The following TGFB2 variants were observed in gnomAD, a reference collection of about 807,000 sequenced individuals.
The protein encoded by TGFB2 is transforming growth factor beta 2.
Under a neutral mutation model 42.7 loss-of-function variants are expected in TGFB2, and 13 were observed. That is an observed-to-expected ratio of 0.30 (90% CI 0.20 to 0.48). TGFB2 has a LOEUF of 0.48. Among genes scored for constraint, TGFB2 ranks in the 20% least tolerant of loss-of-function variants. The pLI is 0.99. For synonymous variants in TGFB2, 193 were observed against 193.6 expected (o/e 1.00, Z 0.03); for missense variants, 390 against 517.5 (o/e 0.75, Z 2.39).
chr1:218,388,157 C>A (rs1658198308), intron 1 of TGFB2, among the ~76,000 whole-genome samples: 1 of 152,176 alleles, frequency 6.6e-6, no homozygotes, highest in South Asian at 2.1e-4. Flanking sequence ...CCCCAGCTTC[C>A]TTCTGACAAT....
intron 1 of TGFB2, among the ~76,000 whole-genome samples, chr1:218,396,965 G>C (rs1240879669): frequency 1.3e-5 from 2 of 152,038 alleles, no homozygotes. Flanking sequence ...TATAAAGCCT[G>C]ATCCAAAGTT....
chr1:218,421,340 G>T (rs1295850070), intron 2 of TGFB2, among the ~76,000 whole-genome samples: 1 of 149,712 alleles, frequency 6.7e-6, no homozygotes. Context: ...CTCTGTGGTG[G>T]GTTTCTGGAT....
intron 1 of TGFB2, among the ~76,000 whole-genome samples, chr1:218,379,213 A>G (rs1326681122): frequency 6.7e-6 from 1 of 150,248 alleles, no homozygotes; most frequent in South Asian, 2.1e-4. Context: ...GCTCACTGCA[A>G]GCTCCGCCTC....
In TGFB2 at chr1:218,394,944, C is replaced by T. The variant is rs544122907; in HGVS notation, c.347-10225C>T. On this transcript the variant is annotated intron_variant, in intron 1 of 6. Transcript: ENST00000366930. ...TCCAACCACTCGGTGGGTTGCTTGT[C>T]TTGCCACACTCTGGGGAATGGCTAA... 3.3e-5 allele frequency among the ~76,000 whole-genome samples: 5 copies of T among 152,258 alleles called. No individual in the cohort carries two copies. In the South Asian group the frequency reaches 1.0e-3, roughly 32 times the overall value.
chr1:218,386,938 C>T, intron 1 of TGFB2, among the ~76,000 whole-genome samples: 1 of 152,180 alleles, frequency 6.6e-6, no homozygotes, highest in African/African-American at 2.4e-5. Flanking sequence ...AAAGTGAGTC[C>T]CTGCTCTTTT....
chr1:218,435,150 G>T (rs1659930571), intron 4 of TGFB2, among the ~76,000 whole-genome samples: 2 of 152,150 alleles, frequency 1.3e-5, no homozygotes, highest in African/African-American at 4.8e-5. Flanking sequence ...TACAGCATCT[G>T]CCCACAATGC....
rs191938924 is a variant in TGFB2 at position 218,409,202 on chromosome 1, C to T, written c.510+3870C>T. The stretch of plus-strand genomic sequence containing the variant: ...CTGCTGCTCACCTCCTGCTGTGCGG[C>T]CCGGCTCCTGATGGGCCATGGACCT... On this transcript the variant is annotated intron_variant, in intron 2 of 6. Transcript: ENST00000366930. 2.1e-3 allele frequency among the ~76,000 whole-genome samples: 325 copies of T among 152,328 alleles called. 1 individual carries two copies. The highest frequency in any genetic ancestry group is 7.4e-3 in the African/African-American group (306 of 41,580).
rs191627667 is a variant in TGFB2, at chr1:218,386,071, G to A, written c.347-19098G>A. Among the ~76,000 whole-genome samples the A allele has an allele frequency of 5.8e-4, 89 of 152,222 alleles. 1 individual carries two copies. The East Asian group carries it at 0.016, about 28-fold the overall frequency. ...TAACTCTGTTTGAAGGCTCTTCACT[G>A]TACTGAGCTTGGGCTGTTCTGAGAT... On this transcript the variant is annotated intron_variant, in intron 1 of 6. Transcript: ENST00000366930.
intron 1 of TGFB2, among the ~76,000 whole-genome samples, chr1:218,391,062 T>C (rs1221256014): frequency 6.6e-6 from 1 of 152,238 alleles, no homozygotes; most frequent in African/African-American, 2.4e-5. Flanking sequence ...GATAGAGGGC[T>C]ACCATTTGGC....
chr1:218,438,967 G>A (rs1052006226), intron 6 of TGFB2, among the ~76,000 whole-genome samples: 55 of 152,146 alleles, frequency 3.6e-4, no homozygotes, highest in African/African-American at 1.3e-3. Flanking sequence ...AAATTAACCA[G>A]GCATGGTGGC....
intron 2 of TGFB2, among the ~76,000 whole-genome samples, chr1:218,416,224 C>G (rs1004815115): frequency 9.9e-5 from 15 of 152,030 alleles, no homozygotes; most frequent in African/African-American, 3.6e-4. Flanking sequence ...TTGTTACTAC[C>G]TCTCCCTGCT....
intron 1 of TGFB2, among the ~76,000 whole-genome samples, chr1:218,368,018 G>A (rs1288606691): frequency 6.6e-6 from 1 of 152,096 alleles, no homozygotes; most frequent in Non-Finnish European, 1.5e-5. Flanking sequence ...GGCAAGTATG[G>A]TCTCGATCTC....
intron 1 of TGFB2, among the ~76,000 whole-genome samples, chr1:218,365,632 C>G (rs1558229297): frequency 6.6e-6 from 1 of 151,986 alleles, no homozygotes. Context: ...TTCAGACCTT[C>G]CCTGCAAGGC....
At chr1:218,376,847 C>T (rs900374577) in intron 1 of TGFB2, among the ~76,000 whole-genome samples, 1 of 152,190 alleles carries the variant, frequency 6.6e-6, no homozygotes, top group Non-Finnish European at 1.5e-5. Context: ...ATGACATTTA[C>T]AAGCAAAGTT....
intron 1 of TGFB2, among the ~76,000 whole-genome samples, chr1:218,383,016 G>C (rs1409117990): frequency 1.3e-5 from 2 of 152,194 alleles, no homozygotes; most frequent in African/African-American, 4.8e-5. Context: ...CTAGCCTACT[G>C]TAAATTCTTT....
chr1:218,406,931 G>A (rs1211233950), intron 2 of TGFB2, among the ~76,000 whole-genome samples: 2 of 152,096 alleles, frequency 1.3e-5, no homozygotes, highest in African/African-American at 4.8e-5. Flanking sequence ...AAAGAAATTG[G>A]CATCTATGTG....
At chr1:218,412,610 A>G (rs1002403533) in intron 2 of TGFB2, among the ~76,000 whole-genome samples, 1 of 152,280 alleles carries the variant, frequency 6.6e-6, no homozygotes, top group South Asian at 2.1e-4. Flanking sequence ...GTTGTGACCT[A>G]AGCTTTCTTA....
intron 2 of TGFB2, among the ~76,000 whole-genome samples, chr1:218,418,133 A>C (rs893166443): frequency 1.3e-5 from 2 of 152,186 alleles, no homozygotes; most frequent in African/African-American, 4.8e-5. Flanking sequence ...AACAGCTTGC[A>C]CCGTATGCCT....
rs116636648 is a variant in TGFB2 at position 218,370,422 on chromosome 1, T to C, written c.346+23375T>C. On this transcript the variant is annotated intron_variant, in intron 1 of 6. Transcript: ENST00000366930. Reference sequence around the variant, plus strand: ...ATGCTTAGTGTGGTCTTTGAAAAAATTGATGTATTTTTACAAGGGAACAAC... The same window carrying C: ...ATGCTTAGTGTGGTCTTTGAAAAAACTGATGTATTTTTACAAGGGAACAAC... Among the ~76,000 whole-genome samples, 10 of 152,178 alleles carry C rather than the reference T, an allele frequency of 6.6e-5. 1 individual carries two copies. The highest frequency in any genetic ancestry group is 2.4e-4 in the African/African-American group (10 of 41,530).
Sources: gnomAD v4.1 joint callset for allele counts (sites outside exome capture counted in the v4.1 genomes callset) on GRCh38, gnomAD v4.1.1 for gene constraint, MANE v1.5 for transcripts, NCBI Gene and HGNC (gene_info 2026-07-23, HGNC 2026-07-21) for gene names.